The following FAM185A variants were observed in gnomAD, a reference collection of about 807,000 sequenced individuals.
The protein encoded by FAM185A is protein FAM185A.
FAM185A carries 21 observed loss-of-function variants against 45.7 expected under a neutral mutation model. The observed-to-expected ratio is 0.46, with a 90% confidence interval of 0.33 to 0.66. The LOEUF (loss-of-function observed/expected upper bound fraction) is 0.66, where lower values mean the gene tolerates loss of function less well. Ranked by LOEUF, FAM185A falls within the 30% of genes least tolerant of loss-of-function variation. The pLI is 0.03. For missense variants in FAM185A, 305 were observed against 485.4 expected, an observed-to-expected ratio of 0.63 and a Z score of 3.49; for synonymous variants, 117 against 194.0, an observed-to-expected ratio of 0.60 and a Z score of 3.30.
At chr7:102,783,510 T>C (rs1795552289) in intron 6 of FAM185A, among the ~76,000 whole-genome samples, 1 of 152,070 alleles carries the variant, frequency 6.6e-6, no homozygotes, top group South Asian at 2.1e-4. Flanking sequence ...TCAAAACCAC[T>C]CAACTACATG....
chr7:102,759,139 G>A (rs1793955648), intron 3 of FAM185A, among the ~76,000 whole-genome samples: 2 of 152,000 alleles, frequency 1.3e-5, no homozygotes, highest in African/African-American at 4.8e-5. Flanking sequence ...GGTCTTGGAG[G>A]TGCAAGAGGG....
At chr7:102,819,986 G>A in the FAM185A span, among the ~76,000 whole-genome samples, 1 of 152,148 alleles carries the variant, frequency 6.6e-6, no homozygotes, top group Non-Finnish European at 1.5e-5. Flanking sequence ...TGAGGCCAGG[G>A]TATTTCAGGA....
chr7:102,750,568 T>G (rs1446689420), intron 1 of FAM185A, among the ~76,000 whole-genome samples: 2 of 152,178 alleles, frequency 1.3e-5, no homozygotes, highest in East Asian at 1.9e-4. Flanking sequence ...ATTGCTGTAT[T>G]TGTTATTATT....
In FAM185A at chr7:102,757,787, T is replaced by C. The variant is rs563292820; in HGVS notation, c.562-67T>C. ...AGTATTAATACAGAAATATTGAAAA[T>C]GTTTCACTAGTATAAGTCACACTTA... is the stretch of plus-strand genomic sequence containing the variant. On this transcript the variant is annotated intron_variant, in intron 2 of 7. Transcript: ENST00000413034. The C allele has an allele frequency of 4.3e-5, 53 of 1,239,664 alleles. No individual in the cohort carries two copies. In the South Asian group the frequency reaches 4.5e-4, roughly 11 times the overall value. 76.8% of individuals were successfully genotyped at this position (1,239,664 alleles called of 1,614,324 possible). A position where few individuals can be genotyped will look rare whatever the true frequency, so the allele number is the denominator to read the frequency against.
chr7:102,788,537 C>CA (rs546906524), intron 7 of FAM185A, among the ~76,000 whole-genome samples: 4 of 151,900 alleles, frequency 2.6e-5, no homozygotes, highest in Non-Finnish European at 5.9e-5. Flanking sequence ...AGAATATTAC[C>CA]AAAAAACATA....
At chr7:102,796,418 T>C (rs1385158142) in intron 7 of FAM185A, among the ~76,000 whole-genome samples, 2 of 152,246 alleles carry the variant, frequency 1.3e-5, no homozygotes, top group Admixed American at 6.5e-5. Context: ...TTTGGCTAAT[T>C]TGTTGTCCTG....
chr7:102,822,450 T>C, the FAM185A span: 1 of 624,930 alleles, frequency 1.6e-6, no homozygotes, highest in Non-Finnish European at 3.0e-6. Context: ...TCTTCTCACA[T>C]GGCAGAGAGA....
chr7:102,829,904 G>A, the FAM185A span, among the ~76,000 whole-genome samples: 1 of 152,142 alleles, frequency 6.6e-6, no homozygotes, highest in African/African-American at 2.4e-5. Flanking sequence ...AGGGTGAGTT[G>A]AGGAGTATTC....
chr7:102,808,342 A>T lies in FAM185A; in HGVS notation c.1119A>T (p.Pro373=). 1 of 1,551,680 alleles carries T rather than the reference A, an allele frequency of 6.4e-7. No individual in the cohort carries two copies. Among genetic ancestry groups the T allele is most frequent in the Non-Finnish European group, 8.7e-7 (1 of 1,146,922 alleles). The part of the protein sequence containing the change: ...KREKWIKADA[P]KGTVSFRRQS... ...AAAAATGGATTAAGGCTGATGCCCC[A>T]AAAGGCACTGTAAGTTTTAGAAGGC... Residue 373 remains proline (P), a synonymous_variant, in exon 8 of 8, where the codon CCA becomes CCT. Coordinates refer to ENST00000413034, the MANE Select transcript of FAM185A (RefSeq NM_001145268.2).
At chr7:102,749,794 C>G (rs1428662444) in intron 1 of FAM185A, 136 bp downstream of exon 1, 2 of 1,425,280 alleles carry the variant, frequency 1.4e-6, no homozygotes, top group Non-Finnish European at 1.8e-6. Context: ...GGAAATGCAC[C>G]TTTTCCTCTG....
chr7:102,784,011 G>A (rs576800675), intron 6 of FAM185A, among the ~76,000 whole-genome samples: 12 of 152,108 alleles, frequency 7.9e-5, no homozygotes, highest in East Asian at 7.7e-4. Flanking sequence ...TATCATCACC[G>A]ATCCCACAGA....
chr7:102,786,737 G>A (rs1351568804), intron 6 of FAM185A, among the ~76,000 whole-genome samples: 3 of 151,842 alleles, frequency 2.0e-5, no homozygotes, highest in Non-Finnish European at 4.4e-5. Context: ...TAAATGACAA[G>A]TTAATGGGTG....
At position 102,751,806 on chromosome 7, in the gene FAM185A, A is replaced by C. The variant is rs1266787085; in HGVS notation, c.561+5A>C. On this transcript the variant is annotated splice_donor_5th_base_variant and intron_variant, in intron 2 of 7. Coordinates refer to ENST00000413034, the MANE Select transcript of FAM185A (RefSeq NM_001145268.2). ...AGTATCTTGCAGTCTGTTAAGGTAT[A>C]GCATTTTTCTAATTTTATTTCACTA... The C allele has an allele frequency of 6.7e-7, 1 of 1,494,150 alleles. No individual in the cohort carries two copies. The highest frequency in any genetic ancestry group is 8.9e-7 in the Non-Finnish European group (1 of 1,120,992). 92.6% of individuals were successfully genotyped at this position (1,494,150 alleles called of 1,614,324 possible).
the FAM185A span, among the ~76,000 whole-genome samples, chr7:102,845,556 A>C: frequency 6.7e-4 from 102 of 152,300 alleles, 1 homozygote; most frequent in East Asian, 0.017. Flanking sequence ...CTGGCAGCCA[A>C]GTCAGATGCA....
At chr7:102,841,249 GTT>G in the FAM185A span, among the ~76,000 whole-genome samples, 2 of 145,734 alleles carry the variant, frequency 1.4e-5, no homozygotes, top group Admixed American at 6.9e-5. Flanking sequence ...CAATCTGACA[GTT>G]TTTTTTTTTT....
At chr7:102,784,326 TC>T (rs1795627488) in intron 6 of FAM185A, among the ~76,000 whole-genome samples, 1 of 151,692 alleles carries the variant, frequency 6.6e-6, no homozygotes, top group Non-Finnish European at 1.5e-5. Flanking sequence ...CCTTCCTAAC[TC>T]ATTTTATGAG....
chr7:102,835,459 T>A, the FAM185A span, among the ~76,000 whole-genome samples: 1 of 152,282 alleles, frequency 6.6e-6, no homozygotes, highest in East Asian at 1.9e-4. Flanking sequence ...AGCTTTCATA[T>A]CCCTTTCCCA....
At chr7:102,813,359 C>T (rs1250897234), downstream of FAM185A, 3 of 1,612,550 alleles carry the variant, frequency 1.9e-6, no homozygotes, top group African/African-American at 4.0e-5. Flanking sequence ...GCTTGGTCTT[C>T]ACTGCTGTAT....
At chr7:102,786,577 G>A (rs200240613) in intron 6 of FAM185A, among the ~76,000 whole-genome samples, 2 of 152,194 alleles carry the variant, frequency 1.3e-5, no homozygotes, top group South Asian at 4.2e-4. Context: ...CTATCGCAAG[G>A]ACAAAAAACC....
Sources: allele counts gnomAD v4.1 joint callset (sites outside exome capture counted in the v4.1 genomes callset), GRCh38; gene constraint gnomAD v4.1.1; transcripts MANE v1.5; gene names NCBI Gene and HGNC (gene_info 2026-07-23, HGNC 2026-07-21).